Variants in DOK6 observed in about 807,000 individuals in gnomAD.
The protein encoded by DOK6 is downstream of tyrosine kinase 6.
In DOK6, 22 loss-of-function variants were observed where a neutral mutation model predicts 44.0. The ratio of observed to expected loss-of-function variants is 0.50; its 90% CI spans 0.36 to 0.71. The LOEUF (loss-of-function observed/expected upper bound fraction) is 0.71. Ranked by LOEUF, DOK6 falls within the 30% of genes least tolerant of loss-of-function variation. The probability of loss-of-function intolerance (pLI) is 0.00; values close to 1 mark genes in which losing one functional copy is unlikely to be tolerated. For missense variants in DOK6, 340 were observed against 416.4 expected, an observed-to-expected ratio of 0.82 and a Z score of 1.60; for synonymous variants, 166 against 145.5, an observed-to-expected ratio of 1.14 and a Z score of -1.01.
At chr18:69,638,477 G>A (rs1452766721) in intron 3 of DOK6, among the ~76,000 whole-genome samples, 1 of 114,658 alleles carries the variant, frequency 8.7e-6, no homozygotes, top group Non-Finnish European at 1.8e-5. Flanking sequence ...ATTGATTTGG[G>A]TATACTTATT....
intron 1 of DOK6, among the ~76,000 whole-genome samples, chr18:69,424,305 C>T (rs1213523602): frequency 6.6e-6 from 1 of 152,172 alleles, no homozygotes; most frequent in Admixed American, 6.5e-5. Flanking sequence ...CAACCCATGA[C>T]AGTGTGAGAC....
intron 3 of DOK6, among the ~76,000 whole-genome samples, chr18:69,668,646 C>T (rs1453283955): frequency 6.6e-6 from 1 of 152,020 alleles, no homozygotes; most frequent in Non-Finnish European, 1.5e-5. Flanking sequence ...CAGTAGTTCT[C>T]TATGGACTTT....
chr18:69,672,643 C>G (rs920147000), intron 3 of DOK6, among the ~76,000 whole-genome samples: 11 of 148,222 alleles, frequency 7.4e-5, no homozygotes, highest in African/African-American at 2.7e-4. Context: ...CAGGCGTGAG[C>G]CACTGCGCCC....
At chr18:69,718,733 C>G (rs950194249) in intron 5 of DOK6, among the ~76,000 whole-genome samples, 1 of 152,108 alleles carries the variant, frequency 6.6e-6, no homozygotes. Context: ...ATAAGCCTAA[C>G]AACATTCACT....
intron 1 of DOK6, among the ~76,000 whole-genome samples, chr18:69,547,486 T>C (rs957111509): frequency 1.3e-5 from 2 of 151,414 alleles, no homozygotes; most frequent in African/African-American, 4.8e-5. Flanking sequence ...AAACCATTCA[T>C]GACAAATCCA....
At chr18:69,802,516 G>A (rs1035485533) in intron 7 of DOK6, among the ~76,000 whole-genome samples, 3 of 152,052 alleles carry the variant, frequency 2.0e-5, no homozygotes, top group East Asian at 1.9e-4. Flanking sequence ...TCCAAATCTC[G>A]TATTGAAATG....
intron 6 of DOK6, among the ~76,000 whole-genome samples, chr18:69,739,536 C>T (rs1383552044): frequency 1.3e-5 from 2 of 152,144 alleles, no homozygotes; most frequent in Non-Finnish European, 2.9e-5. Flanking sequence ...TCTAGCTCTT[C>T]CTGTATGTAT....
At chr18:69,574,443 G>C (rs928287456) in intron 2 of DOK6, among the ~76,000 whole-genome samples, 1 of 152,080 alleles carries the variant, frequency 6.6e-6, no homozygotes, top group African/African-American at 2.4e-5. Flanking sequence ...CACAGGAACA[G>C]TTAATTCTGC....
At chr18:69,807,523 C>G (rs1341574649) in intron 7 of DOK6, among the ~76,000 whole-genome samples, 1 of 151,828 alleles carries the variant, frequency 6.6e-6, no homozygotes, top group East Asian at 1.9e-4. Flanking sequence ...AAAAGAAAGA[C>G]ACAACCATAT....
At chr18:69,549,283 T>C (rs1293441939) in intron 1 of DOK6, among the ~76,000 whole-genome samples, 1 of 151,528 alleles carries the variant, frequency 6.6e-6, no homozygotes, top group East Asian at 1.9e-4. Flanking sequence ...ATATCATTAT[T>C]GTAGCCACAG....
intron 7 of DOK6, among the ~76,000 whole-genome samples, chr18:69,798,804 T>C (rs1189932523): frequency 5.3e-5 from 8 of 151,928 alleles, no homozygotes; most frequent in Non-Finnish European, 1.0e-4. Flanking sequence ...TTTTATGTTA[T>C]AGAGACAAGC....
chr18:69,635,496 A>G (rs9960318), intron 3 of DOK6, among the ~76,000 whole-genome samples: 119,247 of 152,098 alleles, frequency 0.78, 49,179 homozygotes, highest in Non-Finnish European at 0.93. Flanking sequence ...CAGGCTTTGC[A>G]TTTTCTAACT....
Position 69,815,102 on chromosome 18 carries a change from G to C in DOK6, c.857-26142G>C, listed in dbSNP as rs77157350. 9.2e-5 allele frequency among the ~76,000 whole-genome samples: 14 copies of C among 152,188 alleles called. No homozygotes were observed. In the East Asian group the frequency reaches 2.7e-3, roughly 29 times the overall value. ...CAGAACAATAACTTGCAATGCAGTA[G>C]ATCAGGGGAGTCAACACACTGCATC... On this transcript the variant is annotated intron_variant, in intron 7 of 7. Coordinates refer to ENST00000382713, the MANE Select transcript of DOK6 (RefSeq NM_152721.6).
At chr18:69,540,373 T>C (rs367949519) in intron 1 of DOK6, among the ~76,000 whole-genome samples, 1 of 152,318 alleles carries the variant, frequency 6.6e-6, no homozygotes, top group South Asian at 2.1e-4. Flanking sequence ...TCCCCCACCA[T>C]TGTATTTATT....
intron 5 of DOK6, among the ~76,000 whole-genome samples, chr18:69,728,630 A>C (rs987010888): frequency 3.9e-5 from 6 of 152,052 alleles, no homozygotes; most frequent in Non-Finnish European, 4.4e-5. Context: ...ATACTGAAAA[A>C]AAAAAAAGTA....
chr18:69,740,421 C>CA (rs1978762769), intron 6 of DOK6, among the ~76,000 whole-genome samples: 2 of 152,270 alleles, frequency 1.3e-5, no homozygotes, highest in African/African-American at 4.8e-5. Flanking sequence ...TGTTTTCAAC[C>CA]AAGATTTACC....
At chr18:69,700,055 T>C (rs930422261) in intron 5 of DOK6, among the ~76,000 whole-genome samples, 2 of 151,890 alleles carry the variant, frequency 1.3e-5, no homozygotes, top group African/African-American at 4.8e-5. Flanking sequence ...GTGAGACTTA[T>C]TAACTACCAT....
At chr18:69,473,364 A>G (rs1980169801) in intron 1 of DOK6, among the ~76,000 whole-genome samples, 1 of 152,194 alleles carries the variant, frequency 6.6e-6, no homozygotes, top group Non-Finnish European at 1.5e-5. Context: ...TTAAGTGAAA[A>G]CTTAAATATC....
chr18:69,834,704 T>A (rs1981993563), intron 7 of DOK6, among the ~76,000 whole-genome samples: 2 of 152,182 alleles, frequency 1.3e-5, no homozygotes, highest in Admixed American at 1.3e-4. Flanking sequence ...AATAGTAAGT[T>A]TATTTATTAC....
Sources: gnomAD v4.1 joint callset for allele counts (sites outside exome capture counted in the v4.1 genomes callset) on GRCh38, gnomAD v4.1.1 for gene constraint, MANE v1.5 for transcripts, NCBI Gene and HGNC (gene_info 2026-07-23, HGNC 2026-07-21) for gene names.